ATR: variants seen among roughly 807,000 people sequenced by gnomAD.
The protein encoded by ATR is ATR checkpoint kinase, also known as serine/threonine-protein kinase ATR.
Under a neutral mutation model 305.3 loss-of-function variants are expected in ATR, and 142 were observed. That is an observed-to-expected ratio of 0.47 (90% CI 0.41 to 0.53). ATR has a LOEUF of 0.53. Among genes scored for constraint, ATR ranks in the 20% least tolerant of loss-of-function variants. The pLI is 0.00. For missense variants in ATR, 2,135 were observed against 3,133.1 expected (o/e 0.68, Z 7.60); for synonymous variants, 1,050 against 1,068.1 (o/e 0.98, Z 0.33).
chr3:142,522,684 G>T, intron 23 of ATR, 44 bp downstream of exon 23: 1 of 1,459,812 alleles, frequency 6.9e-7, no homozygotes, highest in South Asian at 1.2e-5. Context: ...GTTCTTATTT[G>T]AATTAAACAA....
At chr3:142,496,554 C>A (rs370464205) in intron 33 of ATR, 34 bp from the exon 34 acceptor site, 4 of 1,593,214 alleles carry the variant, frequency 2.5e-6, no homozygotes, top group Admixed American at 3.4e-5. Flanking sequence ...GTGAGAGAGA[C>A]CATTGGTAAG....
At position 142,459,224 on chromosome 3, in the gene ATR, T is replaced by C; in HGVS notation, c.7349+3A>G. ...ACAACGTATTATATTCTTGGTAACT[T>C]ACCATGATGTAGGATCAGGGAATGT... On this transcript the variant is annotated splice_donor_region_variant and intron_variant, in intron 43 of 46. Coordinates refer to ENST00000350721, the MANE Select transcript of ATR (RefSeq NM_001184.4). 3 of 1,613,994 alleles carry C rather than the reference T, an allele frequency of 1.9e-6. No homozygotes were observed. The highest frequency in any genetic ancestry group is 2.5e-6 in the Non-Finnish European group (3 of 1,179,862).
chr3:142,507,797 G>A, intron 28 of ATR, 134 bp downstream of exon 28: 1 of 815,160 alleles, frequency 1.2e-6, no homozygotes. Flanking sequence ...ATACCAAATT[G>A]ATGTTTATCT....
At chr3:142,475,631 T>C (rs945565081) in intron 36 of ATR, among the ~76,000 whole-genome samples, 13 of 152,204 alleles carry the variant, frequency 8.5e-5, no homozygotes, top group Non-Finnish European at 1.6e-4. Flanking sequence ...GATGGCTAGG[T>C]CAAATGGTAT....
chr3:142,505,377 G>A (rs976686283), intron 28 of ATR, 74 bp from the exon 29 acceptor site: 2 of 1,561,402 alleles, frequency 1.3e-6, no homozygotes, highest in East Asian at 4.5e-5. Context: ...AAAACCACCT[G>A]TTTATATTGA....
At chr3:142,578,583 A>T (rs751126499) in intron 1 of ATR, 63 bp downstream of exon 1, 46 of 1,549,014 alleles carry the variant, frequency 3.0e-5, no homozygotes, top group East Asian at 4.6e-5. Flanking sequence ...AGGGGAGAGC[A>T]CGTGAAACCC....
At chr3:142,485,113 C>T (rs2108310556) in intron 36 of ATR, 27 bp downstream of exon 36, 6 of 1,613,106 alleles carry the variant, frequency 3.7e-6, no homozygotes, top group Non-Finnish European at 5.1e-6. Context: ...CATATTTAAT[C>T]TGCAAACATG....
intron 1 of ATR, 135 bp from the exon 2 acceptor site, chr3:142,568,289 T>C (rs986779380): frequency 1.1e-5 from 8 of 701,818 alleles, no homozygotes; most frequent in East Asian, 5.5e-5. Context: ...TGTTTAAAAA[T>C]TGAAAAGAAA....
chr3:142,457,550 C>G, intron 45 of ATR, 54 bp downstream of exon 45: 1 of 1,604,266 alleles, frequency 6.2e-7, no homozygotes, highest in Admixed American at 1.7e-5. Context: ...ATGTAGGGGC[C>G]AATAATTATA....
chr3:142,474,906 T>C (rs1274391135), intron 36 of ATR, among the ~76,000 whole-genome samples: 1 of 150,950 alleles, frequency 6.6e-6, no homozygotes, highest in Admixed American at 6.6e-5. Context: ...TCTATACATA[T>C]TTTTTTTTTA....
At chr3:142,572,382 T>A (rs1484734296) in intron 1 of ATR, among the ~76,000 whole-genome samples, 1 of 147,060 alleles carries the variant, frequency 6.8e-6, no homozygotes, top group East Asian at 2.0e-4. Context: ...CTTTTTTTTT[T>A]TTTTTTTTTT....
In ATR at chr3:142,496,415, C is replaced by T. The variant is rs2108333635; in HGVS notation, c.5844G>A (p.Gly1948=). ...QTAYNALLNA[G]ESRLAELYVE... is the part of the protein sequence containing the mutation. Reference sequence around the variant, plus strand: ...CGTACAGTTCAGCGAGTCGTGATTCCCCTGCATTAAGGAGAGCATTGTAGG... The same window carrying T: ...CGTACAGTTCAGCGAGTCGTGATTCTCCTGCATTAAGGAGAGCATTGTAGG... The change falls in exon 34 of 47, where the codon GGG becomes GGA. Residue 1948 remains glycine, a synonymous_variant. Coordinates refer to ENST00000350721, the MANE Select transcript of ATR (RefSeq NM_001184.4). The T allele has an allele frequency of 6.2e-7, 1 of 1,606,808 alleles. No homozygotes were observed. Among genetic ancestry groups the T allele is most frequent in the Non-Finnish European group, 8.5e-7 (1 of 1,177,648 alleles).
intron 34 of ATR, among the ~76,000 whole-genome samples, chr3:142,496,087 G>C (rs1329820036): frequency 6.6e-6 from 1 of 151,328 alleles, no homozygotes; most frequent in Non-Finnish European, 1.5e-5. Context: ...ATGTAAGATA[G>C]ATGAAAACTG....
intron 17 of ATR, among the ~76,000 whole-genome samples, chr3:142,541,508 T>C (rs189007063): frequency 1.6e-3 from 240 of 152,296 alleles, no homozygotes; most frequent in African/African-American, 5.6e-3. Context: ...AAATTCAAGA[T>C]GTCCTGAATT....
At chr3:142,549,365 C>T (rs760120489) in intron 15 of ATR, 114 bp downstream of exon 15, 7 of 679,562 alleles carry the variant, frequency 1.0e-5, no homozygotes, top group South Asian at 2.8e-5. Flanking sequence ...TTTAAACTTA[C>T]ATTCTTCTAG....
At chr3:142,491,258 G>C (rs1443922462) in intron 35 of ATR, among the ~76,000 whole-genome samples, 2 of 152,178 alleles carry the variant, frequency 1.3e-5, no homozygotes, top group Non-Finnish European at 1.5e-5. Flanking sequence ...GGATCTGCAT[G>C]TCATTCTACA....
chr3:142,563,455 G>A (rs1198506040), intron 3 of ATR, among the ~76,000 whole-genome samples: 1 of 152,076 alleles, frequency 6.6e-6, no homozygotes, highest in African/African-American at 2.4e-5. Context: ...TATCTGTTAT[G>A]GTGATCTGTG....
chr3:142,549,803 T>G (rs1410095779), intron 14 of ATR, 130 bp from the exon 15 acceptor site: 2 of 810,456 alleles, frequency 2.5e-6, no homozygotes, highest in Non-Finnish European at 4.0e-6. Flanking sequence ...ATAAAATATG[T>G]AATAGTAGAT....
chr3:142,538,753 G>A, intron 18 of ATR, 128 bp from the exon 19 acceptor site: 1 of 1,230,980 alleles, frequency 8.1e-7, no homozygotes, highest in Non-Finnish European at 1.2e-6. Flanking sequence ...TTTAAACATG[G>A]AATAAAGATC....
Sources: allele counts gnomAD v4.1 joint callset (sites outside exome capture counted in the v4.1 genomes callset), GRCh38; gene constraint gnomAD v4.1.1; transcripts MANE v1.5; gene names NCBI Gene and HGNC (gene_info 2026-07-23, HGNC 2026-07-21).